The following GPR35 variants were observed in gnomAD, a reference collection of about 807,000 sequenced individuals.
GPR35 encodes KYNA receptor.
For synonymous variants in GPR35, 207 were observed against 198.4 expected (o/e 1.04, Z -0.36); for missense variants, 372 against 422.5 (o/e 0.88, Z 1.05).
At chr2:240,606,871 C>A (rs886310191) in intron 2 of GPR35, among the ~76,000 whole-genome samples, 6 of 152,196 alleles carry the variant, frequency 3.9e-5, no homozygotes, top group African/African-American at 1.4e-4. Context: ...TTGGGAGCCA[C>A]TACATAGTTT....
chr2:240,623,851 C>G (rs2125484456), upstream of GPR35, among the ~76,000 whole-genome samples: 1 of 152,348 alleles, frequency 6.6e-6, no homozygotes, highest in African/African-American at 2.4e-5. Context: ...CCATGTGGCC[C>G]TGCCCAGTGG....
At chr2:240,621,961 C>T (rs1363400073), upstream of GPR35, among the ~76,000 whole-genome samples, 1 of 152,214 alleles carries the variant, frequency 6.6e-6, no homozygotes, top group African/African-American at 2.4e-5. Flanking sequence ...CAATCTCTGC[C>T]TCCCAGGCTC....
upstream of GPR35, among the ~76,000 whole-genome samples, chr2:240,622,626 A>G (rs570365186): frequency 1.3e-5 from 2 of 152,378 alleles, no homozygotes; most frequent in African/African-American, 4.8e-5. Context: ...GTGTTGGACA[A>G]GCTTGCTGCA....
upstream of GPR35, among the ~76,000 whole-genome samples, chr2:240,623,050 A>G (rs939230556): frequency 8.4e-6 from 1 of 119,444 alleles, no homozygotes; most frequent in African/African-American, 4.4e-5. Context: ...AGAGGACCCC[A>G]GGCGACCGTG....
intron 2 of GPR35, among the ~76,000 whole-genome samples, chr2:240,612,266 TAA>T (rs1391236481): frequency 7.0e-6 from 1 of 143,210 alleles, no homozygotes; most frequent in African/African-American, 2.6e-5. Context: ...CCGTCTCTAC[TAA>T]AAAAAAAAAT....
At chr2:240,623,599 G>A (rs1458443729), upstream of GPR35, among the ~76,000 whole-genome samples, 1 of 151,972 alleles carries the variant, frequency 6.6e-6, no homozygotes, top group Non-Finnish European at 1.5e-5. Flanking sequence ...CCCGGGCAAG[G>A]CCTGCCTGAG....
chr2:240,623,336 AGGTCGT>A (rs2043322700), upstream of GPR35, among the ~76,000 whole-genome samples: 1 of 144,742 alleles, frequency 6.9e-6, no homozygotes, highest in Non-Finnish European at 1.5e-5. Context: ...GGGCGCAAAC[AGGTCGT>A]GAGGGCGCAA....
At chr2:240,617,396 A>G (rs2043250033) in intron 4 of GPR35, 1 of 617,228 alleles carries the variant, frequency 1.6e-6, no homozygotes. Flanking sequence ...TTTTAGAGGT[A>G]ATTTTTTTGT....
chr2:240,615,637 ACAT>A (rs2043230157), intron 2 of GPR35, among the ~76,000 whole-genome samples: 1 of 152,248 alleles, frequency 6.6e-6, no homozygotes, highest in Non-Finnish European at 1.5e-5. Flanking sequence ...TAAGTGCCAG[ACAT>A]CATATCCTTC....
rs981279558 is a variant in GPR35, at chr2:240,606,378, G to C, written c.-802-9G>C. ...ACTGTGGCATTGTGTGCCTGTCTCTGTGTTGCAGCTGACATGGGCTCATTG... is the reference window on the plus strand; with the variant it reads ...ACTGTGGCATTGTGTGCCTGTCTCTCTGTTGCAGCTGACATGGGCTCATTG... On this transcript the variant is annotated splice_polypyrimidine_tract_variant and intron_variant, in intron 1 of 5. Coordinates refer to the GPR35 transcript ENST00000319838. 3 of 152,430 alleles carry C rather than the reference G, an allele frequency of 2.0e-5. No homozygotes were observed. The East Asian group carries it at 5.8e-4, about 29-fold the overall frequency. The allele number at this position is 152,430 out of a possible 1,614,324, so 9.4% of individuals were successfully genotyped here.
In GPR35 at chr2:240,630,645, G is replaced by A. The variant is rs1416923843; in HGVS notation, c.693G>A (p.Leu231=). The A allele has an allele frequency of 6.2e-7, 1 of 1,613,054 alleles. No individual in the cohort carries two copies. Among genetic ancestry groups the A allele is most frequent in the South Asian group, 1.1e-5 (1 of 91,092 alleles). The change falls in exon 2 of 2, where the codon CTG becomes CTA. Residue 231 remains leucine, a synonymous_variant. Transcript: ENST00000407714. ...ANLLVFVVCF[L]PLHVGLTVRL... ...TCCTGGTGTTCGTGGTCTGCTTCCT[G>A]CCCCTGCACGTGGGGCTGACAGTGC...
At chr2:240,623,896 C>T (rs1296170522), upstream of GPR35, among the ~76,000 whole-genome samples, 1 of 152,092 alleles carries the variant, frequency 6.6e-6, no homozygotes, top group African/African-American at 2.4e-5. Flanking sequence ...GCACAGGTGC[C>T]AGGCCACGTC....
Position 240,631,849 on chromosome 2 carries a change from A to G in GPR35, c.*967A>G, listed in dbSNP as rs1021555031. ...GGCTCAAACCCCATCCTGTCATCCCATATTGCATGTCCACAGGCACCGCCC... is the reference window on the plus strand; with the variant it reads ...GGCTCAAACCCCATCCTGTCATCCCGTATTGCATGTCCACAGGCACCGCCC... On this transcript the variant is annotated 3_prime_UTR_variant, in exon 2 of 2. Coordinates refer to ENST00000407714, the MANE Select transcript of GPR35 (RefSeq NM_005301.5). 6.6e-6 allele frequency among the ~76,000 whole-genome samples: 1 copy of G among 152,198 alleles called. No individual in the cohort carries two copies. Among genetic ancestry groups the G allele is most frequent in the East Asian group, 1.9e-4 (1 of 5,182 alleles).
In GPR35 at chr2:240,630,366, G is replaced by A. The variant is rs368592018; in HGVS notation, c.414G>A (p.Ala138=). Residue 138 remains alanine (A), a synonymous_variant, in exon 2 of 2, where the codon GCG becomes GCA. Transcript: ENST00000407714. ...RSPRQAAAVC[A]VLWVLVIGSL... Reference sequence around the variant, plus strand: ...CCAGGCAGGCTGCGGCCGTGTGCGCGGTCCTCTGGGTGCTGGTCATCGGCT... The same window carrying A: ...CCAGGCAGGCTGCGGCCGTGTGCGCAGTCCTCTGGGTGCTGGTCATCGGCT... 2.6e-5 allele frequency: 42 copies of A among 1,608,184 alleles called. No individual in the cohort carries two copies. Among genetic ancestry groups the A allele is most frequent in the South Asian group, 1.8e-4 (16 of 91,072 alleles).
Position 240,607,844 on chromosome 2 carries a change from TTCC to T in GPR35, c.-577+1250_-577+1252del, listed in dbSNP as rs935675029. ...CTTTTTCTTCTTTCTCCTCCTTCTC[TTCC>T]TCCTCCTCCTCCTCCTCTTCTTTCT... On this transcript the variant is annotated intron_variant, in intron 2 of 5. Coordinates refer to the GPR35 transcript ENST00000319838. Among the ~76,000 whole-genome samples the T allele has an allele frequency of 7.7e-4, 117 of 151,710 alleles. 1 individual carries two copies. The highest frequency in any genetic ancestry group is 1.3e-3 in the South Asian group (6 of 4,770).
chr2:240,615,692 TAA>T (rs1252392634), intron 2 of GPR35, among the ~76,000 whole-genome samples: 1 of 152,240 alleles, frequency 6.6e-6, no homozygotes, highest in East Asian at 1.9e-4. Flanking sequence ...TAAGGACTTT[TAA>T]AAACACATGA....
At chr2:240,623,481 CGCAAACAGGTCGTGAGGGT>C (rs1341302646), upstream of GPR35, among the ~76,000 whole-genome samples, 1,010 of 46,370 alleles carry the variant, frequency 0.022, 69 homozygotes, top group Middle Eastern at 0.062. Context: ...GTCGTGAGGG[CGCAAACAGGTCGTGAGGGT>C]GCAAACAGGT....
In GPR35 at chr2:240,616,364, TC is replaced by T. The variant is rs918200434; in HGVS notation, c.-576-22del. The T allele has an allele frequency of 4.0e-6, 3 of 750,056 alleles. No homozygotes were observed. In the African/African-American group the frequency reaches 5.2e-5, roughly 13 times the overall value. 46.5% of individuals were successfully genotyped at this position (750,056 alleles called of 1,614,324 possible). A position where few individuals can be genotyped will look rare whatever the true frequency, so the allele number is the denominator to read the frequency against. ...GGGTTCTTAGTTGGCAGCTTCCTCCTCCGTCTCTCTATTCCCCTCCTAGGTC... is the reference window on the plus strand; with the variant it reads ...GGGTTCTTAGTTGGCAGCTTCCTCCTCGTCTCTCTATTCCCCTCCTAGGTC... On this transcript the variant is annotated intron_variant, in intron 2 of 5. Coordinates refer to the GPR35 transcript ENST00000319838.
At chr2:240,610,688 G>A (rs984856229) in intron 2 of GPR35, among the ~76,000 whole-genome samples, 2 of 151,886 alleles carry the variant, frequency 1.3e-5, no homozygotes, top group Non-Finnish European at 2.9e-5. Flanking sequence ...AGGCTGGAGT[G>A]CAGTGGCATG....
Sources: allele counts gnomAD v4.1 joint callset (sites outside exome capture counted in the v4.1 genomes callset), GRCh38; gene constraint gnomAD v4.1.1; transcripts MANE v1.5; gene names NCBI Gene and HGNC (gene_info 2026-07-23, HGNC 2026-07-21).